Variants in BMPR1A observed in about 807,000 individuals in gnomAD.
BMPR1A encodes bone morphogenetic protein receptor type 1A.
BMPR1A carries 7 observed loss-of-function variants against 66.0 expected under a neutral mutation model. The ratio of observed to expected loss-of-function variants is 0.11; its 90% CI spans 0.06 to 0.20. The LOEUF (loss-of-function observed/expected upper bound fraction) is 0.20. Among genes scored for constraint, BMPR1A ranks in the 10% least tolerant of loss-of-function variants. The pLI, the probability that BMPR1A is intolerant of heterozygous loss-of-function variation, is 1.00. For missense variants in BMPR1A, 408 were observed against 669.1 expected, an observed-to-expected ratio of 0.61 and a Z score of 4.31; for synonymous variants, 200 against 229.7, an observed-to-expected ratio of 0.87 and a Z score of 1.17.
At chr10:86,821,610 A>G (rs1842121093) in intron 1 of BMPR1A, among the ~76,000 whole-genome samples, 1 of 152,210 alleles carries the variant, frequency 6.6e-6, no homozygotes, top group South Asian at 2.1e-4. Flanking sequence ...CATTAACTTC[A>G]TTACATTTTT....
intron 1 of BMPR1A, among the ~76,000 whole-genome samples, chr10:86,759,470 T>A (rs921847687): frequency 2.0e-5 from 3 of 152,238 alleles, no homozygotes; most frequent in African/African-American, 7.2e-5. Flanking sequence ...ACCTGATTGT[T>A]CTGAGCTGCT....
intron 1 of BMPR1A, among the ~76,000 whole-genome samples, chr10:86,780,051 T>C (rs1191379405): frequency 6.6e-6 from 1 of 152,204 alleles, no homozygotes; most frequent in East Asian, 1.9e-4. Flanking sequence ...ATTACAGGCA[T>C]GAGCCCCTGG....
chr10:86,824,607 G>A (rs12252471), intron 1 of BMPR1A, among the ~76,000 whole-genome samples: 4,585 of 152,230 alleles, frequency 0.03, 225 homozygotes, highest in African/African-American at 0.1. Flanking sequence ...TGGCATATTC[G>A]TGTACAAGGG....
intron 1 of BMPR1A, among the ~76,000 whole-genome samples, chr10:86,837,231 C>CTGTGTGTGTGTG (rs140440137): frequency 9.0e-5 from 13 of 143,750 alleles, no homozygotes; most frequent in South Asian, 6.7e-4. Context: ...TAGAATCAGG[C>CTGTGTGTGTGTG]TGTGTGTGTG....
At chr10:86,759,183 T>C in intron 1 of BMPR1A, among the ~76,000 whole-genome samples, 1 of 152,218 alleles carries the variant, frequency 6.6e-6, no homozygotes, top group East Asian at 1.9e-4. Context: ...GAGTTAACTA[T>C]TAACTAGATG....
chr10:86,877,478 A>G (rs886345320), intron 3 of BMPR1A, among the ~76,000 whole-genome samples: 1 of 152,246 alleles, frequency 6.6e-6, no homozygotes, highest in African/African-American at 2.4e-5. Flanking sequence ...AAGTGCTGGC[A>G]TTACAGGCGT....
In BMPR1A at chr10:86,772,440, C is replaced by CT. The variant is rs1210310168; in HGVS notation, c.-268+15527dup. Among the ~76,000 whole-genome samples, 20 of 152,104 alleles carry CT rather than the reference C, an allele frequency of 1.3e-4. No individual in the cohort carries two copies. The South Asian group carries it at 3.9e-3, about 30-fold the overall frequency. ...CCACCGCGCCCGGCCAGAGATAGAT[C>CT]TTTTTTCACAGCTTTACCATGAGTA... is the stretch of plus-strand genomic sequence containing the variant. On this transcript the variant is annotated intron_variant, in intron 1 of 12. Transcript: ENST00000372037.
chr10:86,874,392 C>A (rs952988422), intron 2 of BMPR1A, among the ~76,000 whole-genome samples: 3 of 151,106 alleles, frequency 2.0e-5, no homozygotes, highest in Non-Finnish European at 4.4e-5. Context: ...TTTTTCCCTC[C>A]GCTCCCCTCC....
chr10:86,832,950 A>G lies in BMPR1A; in HGVS notation c.-267-5915A>G, dbSNP rs146574773. ...TTTGGATCCTGTGATAAGTTTATAT[A>G]TAACTTTAAGAAATTAGGGCATGGT... On this transcript the variant is annotated intron_variant, in intron 1 of 12. Coordinates refer to ENST00000372037, the MANE Select transcript of BMPR1A (RefSeq NM_004329.3). Among the ~76,000 whole-genome samples, 7 of 152,320 alleles carry G rather than the reference A, an allele frequency of 4.6e-5. No homozygotes were observed. In the East Asian group the frequency reaches 1.4e-3, roughly 29 times the overall value.
Position 86,763,538 on chromosome 10 carries a change from A to G in BMPR1A, c.-268+6619A>G, listed in dbSNP as rs575375572. On this transcript the variant is annotated intron_variant, in intron 1 of 12. Coordinates refer to ENST00000372037, the MANE Select transcript of BMPR1A (RefSeq NM_004329.3). ...TAGCTGCCGAAATTGAAGGTCATAT[A>G]ATGCTTTTGGTCCTAATGACATCAC... Among the ~76,000 whole-genome samples the G allele has an allele frequency of 4.6e-5, 7 of 152,318 alleles. No homozygotes were observed. The South Asian group carries it at 8.3e-4, about 18-fold the overall frequency.
At chr10:86,771,830 T>C (rs1264961183) in intron 1 of BMPR1A, among the ~76,000 whole-genome samples, 1 of 152,158 alleles carries the variant, frequency 6.6e-6, no homozygotes, top group Non-Finnish European at 1.5e-5. Flanking sequence ...GGTGTGAACA[T>C]GGCTCACTGT....
chr10:86,821,487 T>C (rs1213153338), intron 1 of BMPR1A, among the ~76,000 whole-genome samples: 1 of 152,212 alleles, frequency 6.6e-6, no homozygotes, highest in Non-Finnish European at 1.5e-5. Context: ...ATGATTTTTT[T>C]TAAATGTGGA....
At position 86,803,331 on chromosome 10, in the gene BMPR1A, C is replaced by T. The variant is rs1449757606; in HGVS notation, c.-267-35534C>T. 4.5e-5 allele frequency among the ~76,000 whole-genome samples: 6 copies of T among 133,942 alleles called. No individual in the cohort carries two copies. In the Admixed American group the frequency reaches 4.6e-4, roughly 10 times the overall value. 87.9% of individuals were successfully genotyped at this position (133,942 alleles called of 152,430 possible). On this transcript the variant is annotated intron_variant, in intron 1 of 12. Coordinates refer to ENST00000372037, the MANE Select transcript of BMPR1A (RefSeq NM_004329.3). ...CCTGGCTTCAAGCAGTCCTTGGCTT[C>T]CACAGTGTTGGAATTCCAGGCATGA...
intron 1 of BMPR1A, among the ~76,000 whole-genome samples, chr10:86,798,384 G>A (rs1424379125): frequency 6.6e-6 from 1 of 152,016 alleles, no homozygotes; most frequent in Non-Finnish European, 1.5e-5. Flanking sequence ...AAATGCTATT[G>A]GTTTTGTCTG....
chr10:86,842,928 C>A (rs964079382), intron 2 of BMPR1A, among the ~76,000 whole-genome samples: 2 of 152,124 alleles, frequency 1.3e-5, no homozygotes, highest in African/African-American at 2.4e-5. Context: ...TGGGTCCCTC[C>A]CACAACATGG....
chr10:86,895,336 G>C (rs1843211181), intron 5 of BMPR1A, among the ~76,000 whole-genome samples: 1 of 152,050 alleles, frequency 6.6e-6, no homozygotes, highest in South Asian at 2.1e-4. Context: ...TCAGGACTTA[G>C]AGACCAGCCT....
chr10:86,757,349 A>G (rs2132558047), intron 1 of BMPR1A, among the ~76,000 whole-genome samples: 2 of 151,586 alleles, frequency 1.3e-5, no homozygotes, highest in East Asian at 3.9e-4. Context: ...GAGTGAGAGG[A>G]GCAGCCGGCC....
At chr10:86,826,725 T>C (rs1391068840) in intron 1 of BMPR1A, among the ~76,000 whole-genome samples, 2 of 152,084 alleles carry the variant, frequency 1.3e-5, no homozygotes, top group Non-Finnish European at 2.9e-5. Flanking sequence ...TAGTTTAGTA[T>C]TTGTTTTAAT....
At position 86,790,186 on chromosome 10, in the gene BMPR1A, AAAATATATATATATATAT is replaced by A. The variant is rs1416041640; in HGVS notation, c.-268+33269_-268+33286del. 6.5e-3 allele frequency among the ~76,000 whole-genome samples: 205 copies of A among 31,314 alleles called. 37 individuals are homozygous for A. The highest frequency in any genetic ancestry group is 0.039 in the South Asian group (36 of 930). 20.5% of individuals were successfully genotyped at this position (31,314 alleles called of 152,430 possible). A position where few individuals can be genotyped will look rare whatever the true frequency, so the allele number is the denominator to read the frequency against. ...CCAAAAAAAAAAAAAAAAAAAAAAAAAAATATATATATATATATATATATATATATATATATATATATA... is the reference window on the plus strand; with the variant it reads ...CCAAAAAAAAAAAAAAAAAAAAAAAAATATATATATATATATATATATATA... On this transcript the variant is annotated intron_variant, in intron 1 of 12. Transcript: ENST00000372037.
Sources: allele counts gnomAD v4.1 joint callset (sites outside exome capture counted in the v4.1 genomes callset), GRCh38; gene constraint gnomAD v4.1.1; transcripts MANE v1.5; gene names NCBI Gene and HGNC (gene_info 2026-07-23, HGNC 2026-07-21).